The following FBXO8 variants were observed in gnomAD, a reference collection of about 807,000 sequenced individuals.
The protein encoded by FBXO8 is F-box protein 8.
In FBXO8, 15 loss-of-function variants were observed where a neutral mutation model predicts 33.4. The observed-to-expected ratio is 0.45, with a 90% CI of 0.30 to 0.69. The LOEUF (loss-of-function observed/expected upper bound fraction) is 0.69, where lower values mean the gene tolerates loss of function less well. Ranked by LOEUF, FBXO8 falls within the 30% of genes least tolerant of loss-of-function variation. The pLI, the probability that FBXO8 is intolerant of heterozygous loss-of-function variation, is 0.08. For missense variants in FBXO8, 274 were observed against 380.3 expected (o/e 0.72, Z 2.32); for synonymous variants, 132 against 131.5 (o/e 1.00, Z -0.02).
rs1250912557 is a variant in FBXO8 at position 174,245,942 on chromosome 4, G to GA, written c.457-4725dup. On this transcript the variant is annotated intron_variant, in intron 3 of 5. Transcript: ENST00000393674. The surrounding 1 kb of genome is among the most constrained non-coding windows in gnomAD (Gnocchi z 4.6). ...AAGTCAAAGAGGGTGTTGATTTGAA[G>GA]AAAACAGTGATGAGTTAGCTTTTAG... Among the ~76,000 whole-genome samples, 1 of 151,906 alleles carries GA rather than the reference G, an allele frequency of 6.6e-6. No homozygotes were observed. Among genetic ancestry groups the GA allele is most frequent in the African/African-American group, 2.4e-5 (1 of 41,388 alleles).
chr4:174,279,725 G>T lies in FBXO8; in HGVS notation c.-9+3685C>A, dbSNP rs1207064869. On this transcript the variant is annotated intron_variant, in intron 1 of 5. Transcript: ENST00000393674. ...TATATGGTCAAAAGATTTTTGACTAGGTGTCAAGATCATTTAATGGGGGAA... is the reference window on the plus strand; with the variant it reads ...TATATGGTCAAAAGATTTTTGACTATGTGTCAAGATCATTTAATGGGGGAA... 2.0e-5 allele frequency among the ~76,000 whole-genome samples: 3 copies of T among 151,964 alleles called. No homozygotes were observed. In the East Asian group the frequency reaches 5.8e-4, roughly 29 times the overall value.
In FBXO8 at chr4:174,277,317, A is replaced by G. The variant is rs568753825; in HGVS notation, c.-9+6093T>C. 6.6e-6 allele frequency among the ~76,000 whole-genome samples: 1 copy of G among 152,204 alleles called. No individual in the cohort carries two copies. The highest frequency in any genetic ancestry group is 6.5e-5 in the Admixed American group (1 of 15,292). ...TTTATTAATATTTTGTATCTAATAC[A>G]AAGTCTATCTGTAAAATATTAAGCA... On this transcript the variant is annotated intron_variant, in intron 1 of 5. Transcript: ENST00000393674. This position sits in a 1 kb window ranked among gnomAD's most constrained non-coding sequence, Gnocchi z 4.9.
chr4:174,269,108 G>C lies in FBXO8; in HGVS notation c.-8-6008C>G, dbSNP rs560318193. On this transcript the variant is annotated intron_variant, in intron 1 of 5. Transcript: ENST00000393674. Reference sequence around the variant, plus strand: ...TCAAAGCTTCTTTATCATGTTGAGAGGATCTATAGAATTCTTTCTAAGGAG... The same window carrying C: ...TCAAAGCTTCTTTATCATGTTGAGACGATCTATAGAATTCTTTCTAAGGAG... 6 of 152,184 alleles carry C rather than the reference G, an allele frequency of 3.9e-5. No homozygotes were observed. In the South Asian group the frequency reaches 1.2e-3, roughly 32 times the overall value. The allele number at this position is 152,184 out of a possible 1,614,324, so 9.4% of individuals were successfully genotyped here.
In FBXO8 at chr4:174,245,321, G is replaced by C. The variant is rs1355268425; in HGVS notation, c.457-4103C>G. Among the ~76,000 whole-genome samples, 2 of 151,824 alleles carry C rather than the reference G, an allele frequency of 1.3e-5. No homozygotes were observed. Among genetic ancestry groups the C allele is most frequent in the African/African-American group, 4.8e-5 (2 of 41,402 alleles). The stretch of plus-strand genomic sequence containing the variant: ...AAGTCACTATGGGATAGGACGTTTG[G>C]ATAAGGTTTCCTGCTAGAGATTAGA... On this transcript the variant is annotated intron_variant, in intron 3 of 5. Coordinates refer to ENST00000393674, the MANE Select transcript of FBXO8 (RefSeq NM_012180.3). This position sits in a 1 kb window ranked among gnomAD's most constrained non-coding sequence, Gnocchi z 4.6.
Position 174,281,965 on chromosome 4 carries a change from GGTCA to G in FBXO8, c.-9+1441_-9+1444del, listed in dbSNP as rs1420269489. 2.0e-5 allele frequency among the ~76,000 whole-genome samples: 3 copies of G among 152,158 alleles called. No homozygotes were observed. The highest frequency in any genetic ancestry group is 1.9e-4 in the East Asian group (1 of 5,184). On this transcript the variant is annotated intron_variant, in intron 1 of 5. Coordinates refer to ENST00000393674, the MANE Select transcript of FBXO8 (RefSeq NM_012180.3). This position sits in a 1 kb window ranked among gnomAD's most constrained non-coding sequence, Gnocchi z 4.6. ...TTAATGATTTTGATGCATTATCATG[GGTCA>G]GTCAATGGAATAGTGCCAGTTTCCA...
rs1297020081 is a variant in FBXO8, at chr4:174,281,129, A to G, written c.-9+2281T>C. Reference sequence around the variant, plus strand: ...AAAACTCTGAAAAACAAATTAATAAATAAAAGAAGAGATGATGGCGTGCGT... The same window carrying G: ...AAAACTCTGAAAAACAAATTAATAAGTAAAAGAAGAGATGATGGCGTGCGT... On this transcript the variant is annotated intron_variant, in intron 1 of 5. Transcript: ENST00000393674. The surrounding 1 kb of genome is among the most constrained non-coding windows in gnomAD (Gnocchi z 4.6). Among the ~76,000 whole-genome samples the G allele has an allele frequency of 6.6e-6, 1 of 152,224 alleles. No homozygotes were observed. The highest frequency in any genetic ancestry group is 1.5e-5 in the Non-Finnish European group (1 of 68,032).
In FBXO8 at chr4:174,257,127, G is replaced by A. The variant is rs1370970845; in HGVS notation, c.456+2572C>T. On this transcript the variant is annotated intron_variant, in intron 3 of 5. Transcript: ENST00000393674. This position sits in a 1 kb window ranked among gnomAD's most constrained non-coding sequence, Gnocchi z 4.3. ...TGCCCCCTCTCCAAACACCCTAGAG[G>A]AGGTACTAACAAGAACTGTATAGTT... 1.3e-5 allele frequency among the ~76,000 whole-genome samples: 2 copies of A among 152,088 alleles called. No individual in the cohort carries two copies. The highest frequency in any genetic ancestry group is 4.8e-5 in the African/African-American group (2 of 41,426).
chr4:174,262,618 A>G lies in FBXO8; in HGVS notation c.329+146T>C, dbSNP rs1407261827. 5 of 645,904 alleles carry G rather than the reference A, an allele frequency of 7.7e-6. No individual in the cohort carries two copies. Among genetic ancestry groups the G allele is most frequent in the African/African-American group, 3.7e-5 (2 of 54,576 alleles). The allele number at this position is 645,904 out of a possible 1,614,324, so 40.0% of individuals were successfully genotyped here. ...CAAATTTGACTGTGATGCTAACTGT[A>G]TATTTTTCCAGGTTTTAATAAAGAG... On this transcript the variant is annotated intron_variant, in intron 2 of 5. Transcript: ENST00000393674. This position sits in a 1 kb window ranked among gnomAD's most constrained non-coding sequence, Gnocchi z 4.6.
At position 174,257,903 on chromosome 4, in the gene FBXO8, T is replaced by A. The variant is rs192973413; in HGVS notation, c.456+1796A>T. 1.6e-4 allele frequency among the ~76,000 whole-genome samples: 25 copies of A among 152,130 alleles called. No individual in the cohort carries two copies. In the East Asian group the frequency reaches 4.4e-3, roughly 27 times the overall value. ...CAATGCCTAGCTAATTTTTTAAAAA[T>A]TTTTTGTGGAGACAGGACCTCCCTA... On this transcript the variant is annotated intron_variant, in intron 3 of 5. Transcript: ENST00000393674. The surrounding 1 kb of genome is among the most constrained non-coding windows in gnomAD (Gnocchi z 4.3).
rs1345351134 is a variant in FBXO8, at chr4:174,281,373, C to T, written c.-9+2037G>A. On this transcript the variant is annotated intron_variant, in intron 1 of 5. Transcript: ENST00000393674. The surrounding 1 kb of genome is among the most constrained non-coding windows in gnomAD (Gnocchi z 4.6). ...CTCCCTAAAGCTGTTGCCTAAACTC[C>T]AAACCACAAATATTTTTATCTTATA... Among the ~76,000 whole-genome samples, 1 of 152,154 alleles carries T rather than the reference C, an allele frequency of 6.6e-6. No individual in the cohort carries two copies. Among genetic ancestry groups the T allele is most frequent in the Non-Finnish European group, 1.5e-5 (1 of 68,040 alleles).
intron 1 of FBXO8, among the ~76,000 whole-genome samples, chr4:174,280,547 G>T (rs974972781): frequency 3.9e-5 from 6 of 152,142 alleles, no homozygotes; most frequent in African/African-American, 1.4e-4. Context: ...CATGTTCATA[G>T]CAGCATTATT....
intron 3 of FBXO8, among the ~76,000 whole-genome samples, chr4:174,244,585 G>A (rs1736116216): frequency 6.6e-6 from 1 of 151,530 alleles, no homozygotes; most frequent in African/African-American, 2.4e-5. Flanking sequence ...TTATTTGCAT[G>A]TGGGGAGAAT....
In FBXO8 at chr4:174,239,187, T is replaced by C. The variant is rs371804285; in HGVS notation, c.579A>G (p.Arg193=). ...ATGTTACAAGGTCATCCAAGACATC[T>C]CTCCTACAGAAAGAAAAAAAGGCAC... The part of the protein sequence containing the change: ...KKLRIYLDER[R]DVLDDLVTLH... Residue 193 remains arginine (R), a synonymous_variant, in exon 5 of 6, where the codon AGA becomes AGG. Coordinates refer to ENST00000393674, the MANE Select transcript of FBXO8 (RefSeq NM_012180.3). 9.1e-5 allele frequency: 139 copies of C among 1,519,742 alleles called. No homozygotes were observed. The South Asian group carries it at 1.6e-3, about 18-fold the overall frequency. The allele number at this position is 1,519,742 out of a possible 1,614,324, so 94.1% of individuals were successfully genotyped here.
chr4:174,248,631 T>C (rs1430517283), intron 3 of FBXO8, among the ~76,000 whole-genome samples: 2 of 152,062 alleles, frequency 1.3e-5, no homozygotes. Context: ...GCCAGTTTTC[T>C]CAGTTAGCTA....
rs149983716 is a variant in FBXO8 at position 174,258,697 on chromosome 4, C to T, written c.456+1002G>A. 3.6e-3 allele frequency among the ~76,000 whole-genome samples: 540 copies of T among 151,794 alleles called. 3 individuals are homozygous for T. Among genetic ancestry groups the T allele is most frequent in the Middle Eastern group, 0.017 (5 of 286 alleles). ...AAAATTTAACAAAAAATAAACCATA[C>T]ATAAGTAAAAATCAATTGATTAGAA... On this transcript the variant is annotated intron_variant, in intron 3 of 5. Coordinates refer to ENST00000393674, the MANE Select transcript of FBXO8 (RefSeq NM_012180.3).
chr4:174,270,738 T>A lies in FBXO8; in HGVS notation c.-8-7638A>T, dbSNP rs1261490122. Among the ~76,000 whole-genome samples, 2 of 151,912 alleles carry A rather than the reference T, an allele frequency of 1.3e-5. No individual in the cohort carries two copies. The highest frequency in any genetic ancestry group is 2.9e-5 in the Non-Finnish European group (2 of 67,982). ...TTCAAGTGATTCTCCTGTCTCAGCC[T>A]CCCGAGTGCTGGGATTACAGGCACC... On this transcript the variant is annotated intron_variant, in intron 1 of 5. Transcript: ENST00000393674. This position sits in a 1 kb window ranked among gnomAD's most constrained non-coding sequence, Gnocchi z 4.6.
rs144335215 is a variant in FBXO8, at chr4:174,254,266, T to G, written c.456+5433A>C. On this transcript the variant is annotated intron_variant, in intron 3 of 5. Transcript: ENST00000393674. The surrounding 1 kb of genome is among the most constrained non-coding windows in gnomAD (Gnocchi z 4.2). ...TCTTTCTTTATGCTATCTGGCATTGTTTGAAGTATGTGTGTCTTACTGTCA... is the reference window on the plus strand; with the variant it reads ...TCTTTCTTTATGCTATCTGGCATTGGTTGAAGTATGTGTGTCTTACTGTCA... Among the ~76,000 whole-genome samples, 159 of 152,322 alleles carry G rather than the reference T, an allele frequency of 1.0e-3. 2 individuals are homozygous for G. Among genetic ancestry groups the G allele is most frequent in the African/African-American group, 3.6e-3 (149 of 41,578 alleles).
chr4:174,260,312 C>T (rs1560871370), intron 2 of FBXO8, among the ~76,000 whole-genome samples: 1 of 151,944 alleles, frequency 6.6e-6, no homozygotes, highest in African/African-American at 2.4e-5. Flanking sequence ...CCACAGCTTG[C>T]AATTATTAAC....
At chr4:174,238,434 A>T (rs1579015182) in intron 5 of FBXO8, among the ~76,000 whole-genome samples, 1 of 151,842 alleles carries the variant, frequency 6.6e-6, no homozygotes, top group East Asian at 1.9e-4. Flanking sequence ...CTGTTTAATC[A>T]GATAAGCACA....
Sources: allele counts gnomAD v4.1 joint callset (sites outside exome capture counted in the v4.1 genomes callset), GRCh38; gene constraint gnomAD v4.1.1; non-coding constraint Gnocchi (gnomAD v3.1); transcripts MANE v1.5; gene names NCBI Gene and HGNC (gene_info 2026-07-23, HGNC 2026-07-21).